The following CBX3 variants were observed in gnomAD, a reference collection of about 807,000 sequenced individuals.
CBX3 encodes chromobox protein homolog 3.
In CBX3, 5 loss-of-function variants were observed where a neutral mutation model predicts 22.6. That is an observed-to-expected ratio of 0.22 (90% CI 0.12 to 0.47). CBX3 has a LOEUF of 0.47. Ranked by LOEUF, CBX3 falls within the 20% of genes least tolerant of loss-of-function variation. The probability of loss-of-function intolerance (pLI) is 0.99; values close to 1 mark genes in which losing one functional copy is unlikely to be tolerated. For synonymous variants in CBX3, 50 were observed against 66.6 expected (o/e 0.75, Z 1.21); for missense variants, 83 against 208.1 (o/e 0.40, Z 3.70).
intron 2 of CBX3, among the ~76,000 whole-genome samples, chr7:26,204,786 T>G (rs943125453): frequency 6.6e-6 from 1 of 152,072 alleles, no homozygotes; most frequent in African/African-American, 2.4e-5. Flanking sequence ...GTATTTGGGT[T>G]TTTTGTTTTT....
intron 4 of CBX3, among the ~76,000 whole-genome samples, chr7:26,209,440 A>G (rs1784757244): frequency 6.6e-6 from 1 of 152,158 alleles, no homozygotes; most frequent in Non-Finnish European, 1.5e-5. Flanking sequence ...TAGCAATCTT[A>G]AATACAAACA....
intron 1 of CBX3, chr7:26,202,629 G>A: frequency 4.0e-6 from 1 of 250,778 alleles, no homozygotes; most frequent in South Asian, 5.3e-5. Flanking sequence ...TTGGGTAATC[G>A]TGCCTGGTTT....
intron 3 of CBX3, among the ~76,000 whole-genome samples, chr7:26,206,967 GCT>G (rs770022155): frequency 3.9e-5 from 6 of 152,138 alleles, no homozygotes; most frequent in African/African-American, 1.2e-4. Context: ...CATGTTTTAA[GCT>G]CTCTGGTTCC....
chr7:26,207,973 G>C (rs1784718358), intron 3 of CBX3, among the ~76,000 whole-genome samples: 1 of 151,620 alleles, frequency 6.6e-6, no homozygotes, highest in Non-Finnish European at 1.5e-5. Flanking sequence ...CACTTTGGGG[G>C]TCCAAGGCTG....
At chr7:26,205,479 A>G (rs979918634) in intron 2 of CBX3, among the ~76,000 whole-genome samples, 2 of 152,224 alleles carry the variant, frequency 1.3e-5, no homozygotes, top group African/African-American at 4.8e-5. Flanking sequence ...AGATTATGGA[A>G]AAATAATCTT....
intron 2 of CBX3, 86 bp from the exon 3 acceptor site, chr7:26,206,282 T>A (rs1784673927): frequency 2.4e-6 from 2 of 828,884 alleles, no homozygotes; most frequent in Non-Finnish European, 3.7e-6. Context: ...ATGTCGAATG[T>A]GATAATAATA....
At position 26,213,521 on chromosome 7, in the gene CBX3, CA is replaced by C. The variant is rs1784862409; in HGVS notation, c.*1314del. Among the ~76,000 whole-genome samples the C allele has an allele frequency of 6.6e-6, 1 of 151,968 alleles. No individual in the cohort carries two copies. The highest frequency in any genetic ancestry group is 2.1e-4 in the South Asian group (1 of 4,818). On this transcript the variant is annotated 3_prime_UTR_variant, in exon 6 of 6. Transcript: ENST00000396386. Reference sequence around the variant, plus strand: ...AGTTTTAAACTTGAATATGTATTTCCACAGGAATGTTTCCACAGTTGGGAAA... The same window carrying C: ...AGTTTTAAACTTGAATATGTATTTCCCAGGAATGTTTCCACAGTTGGGAAA...
Position 26,212,248 on chromosome 7 carries a change from A to G in CBX3, c.*40A>G. The G allele has an allele frequency of 8.9e-7, 1 of 1,120,610 alleles. No individual in the cohort carries two copies. 69.4% of individuals were successfully genotyped at this position (1,120,610 alleles called of 1,614,324 possible). A position where few individuals can be genotyped will look rare whatever the true frequency, so the allele number is the denominator to read the frequency against. ...CTTTTATATATATTTATATATATAT[A>G]TAAAAATTGGGTCTTAGATTTTGAT... On this transcript the variant is annotated 3_prime_UTR_variant, in exon 6 of 6. Coordinates refer to ENST00000396386, the MANE Select transcript of CBX3 (RefSeq NM_016587.4).
chr7:26,208,948 T>TTTTTTTTTTTTTTG (rs1784743697), intron 4 of CBX3, among the ~76,000 whole-genome samples: 1 of 130,342 alleles, frequency 7.7e-6, no homozygotes. Flanking sequence ...TTTTTTTTTT[T>TTTTTTTTTTTTTTG]TTTCCTGGGA....
intron 2 of CBX3, among the ~76,000 whole-genome samples, chr7:26,203,230 A>G (rs921977952): frequency 2.0e-5 from 3 of 152,220 alleles, no homozygotes; most frequent in African/African-American, 7.2e-5. Flanking sequence ...TAGTTCAAAG[A>G]AGGCTAATCT....
upstream of CBX3, chr7:26,201,730 C>T (rs1184322438): frequency 1.1e-5 from 1 of 91,850 alleles, no homozygotes; most frequent in African/African-American, 3.8e-5. Context: ...GCGCGCAGCT[C>T]CCGGCTCCCT....
At position 26,204,910 on chromosome 7, in the gene CBX3, C is replaced by G. The variant is rs1047438130; in HGVS notation, c.25-1458C>G. Among the ~76,000 whole-genome samples the G allele has an allele frequency of 2.0e-5, 3 of 152,174 alleles. No individual in the cohort carries two copies. The East Asian group carries it at 5.8e-4, about 29-fold the overall frequency. On this transcript the variant is annotated intron_variant, in intron 2 of 5. Coordinates refer to ENST00000396386, the MANE Select transcript of CBX3 (RefSeq NM_016587.4). ...GTTCAAGCAGTTCTCCTGCCTCAGCCTCCCAAGTAGCTGGGATTACAGGCA... is the reference window on the plus strand; with the variant it reads ...GTTCAAGCAGTTCTCCTGCCTCAGCGTCCCAAGTAGCTGGGATTACAGGCA...
intron 5 of CBX3, 94 bp downstream of exon 5, chr7:26,211,850 A>G (rs977102536): frequency 9.2e-6 from 9 of 973,830 alleles, no homozygotes; most frequent in African/African-American, 3.3e-5. Flanking sequence ...GGGAAAAACT[A>G]TCTGCTGAGA....
intron 2 of CBX3, among the ~76,000 whole-genome samples, chr7:26,205,093 C>T (rs1415984191): frequency 6.6e-5 from 10 of 152,130 alleles, no homozygotes; most frequent in African/African-American, 9.7e-5. Context: ...CCGGCAATAG[C>T]ATTTGCTTTA....
intron 4 of CBX3, 72 bp downstream of exon 4, chr7:26,208,627 T>A (rs1784735791): frequency 7.0e-7 from 1 of 1,422,052 alleles, no homozygotes; most frequent in Non-Finnish European, 9.6e-7. Flanking sequence ...TTTTTGTTTG[T>A]TTGTTTTTTT....
At chr7:26,203,153 G>C (rs1029276007) in intron 2 of CBX3, 131 bp downstream of exon 2, 3 of 703,722 alleles carry the variant, frequency 4.3e-6, no homozygotes, top group Non-Finnish European at 7.4e-6. Flanking sequence ...GTAAATTACA[G>C]GGGAAAATTA....
chr7:26,210,791 A>G (rs945792500), intron 4 of CBX3, among the ~76,000 whole-genome samples: 4 of 152,172 alleles, frequency 2.6e-5, no homozygotes, highest in African/African-American at 7.2e-5. Context: ...TCTTAAGGCA[A>G]TTTTACTTAA....
intron 4 of CBX3, among the ~76,000 whole-genome samples, chr7:26,211,167 C>A (rs1784795935): frequency 6.6e-6 from 1 of 151,828 alleles, no homozygotes; most frequent in Non-Finnish European, 1.5e-5. Context: ...CCATCCTGGG[C>A]CACAGGTTAC....
In CBX3 at chr7:26,213,055, T is replaced by C. The variant is rs1424794269; in HGVS notation, c.*847T>C. The stretch of plus-strand genomic sequence containing the variant: ...ACATTGACTAAAAGGTCATGATGAA[T>C]GGAATATGTAAGACTTGGCTCATAG... On this transcript the variant is annotated 3_prime_UTR_variant, in exon 6 of 6. Transcript: ENST00000396386. 6.6e-6 allele frequency: 1 copy of C among 152,334 alleles called. No homozygotes were observed. The highest frequency in any genetic ancestry group is 1.5e-5 in the Non-Finnish European group (1 of 68,056). The allele number at this position is 152,334 out of a possible 1,614,324, so 9.4% of individuals were successfully genotyped here. A position where few individuals can be genotyped will look rare whatever the true frequency, so the allele number is the denominator to read the frequency against.
Sources: gnomAD v4.1 joint callset for allele counts (sites outside exome capture counted in the v4.1 genomes callset) on GRCh38, gnomAD v4.1.1 for gene constraint, MANE v1.5 for transcripts, NCBI Gene and HGNC (gene_info 2026-07-23, HGNC 2026-07-21) for gene names.